MACROD2: variants seen among roughly 807,000 people sequenced by gnomAD.
MACROD2 encodes the protein ADP-ribose glycohydrolase MACROD2.
Under a neutral mutation model 70.4 loss-of-function variants are expected in MACROD2, and 36 were observed. That is an observed-to-expected ratio of 0.51 (90% confidence interval 0.39 to 0.68). The LOEUF (loss-of-function observed/expected upper bound fraction) is 0.68. Among genes scored for constraint, MACROD2 ranks in the 30% least tolerant of loss-of-function variants. The probability of loss-of-function intolerance (pLI) is 0.00; values close to 1 mark genes in which losing one functional copy is unlikely to be tolerated. For missense variants in MACROD2, 496 were observed against 538.4 expected, an observed-to-expected ratio of 0.92 and a Z score of 0.78; for synonymous variants, 172 against 178.8, an observed-to-expected ratio of 0.96 and a Z score of 0.30.
intron 10 of MACROD2, among the ~76,000 whole-genome samples, chr20:15,915,244 C>T (rs551177155): frequency 1.0e-3 from 155 of 152,240 alleles, no homozygotes; most frequent in Non-Finnish European, 1.6e-3. Flanking sequence ...GCTCTGTAGT[C>T]GCAAGGTTGG....
intron 2 of MACROD2, among the ~76,000 whole-genome samples, chr20:14,007,302 A>G (rs1168829033): frequency 6.6e-6 from 1 of 152,152 alleles, no homozygotes; most frequent in Non-Finnish European, 1.5e-5. Flanking sequence ...TTCATTCCCT[A>G]AAATCCTCCA....
intron 7 of MACROD2, among the ~76,000 whole-genome samples, chr20:15,482,911 G>T (rs551848246): frequency 6.6e-6 from 1 of 152,132 alleles, no homozygotes; most frequent in African/African-American, 2.4e-5. Context: ...TTTTAATTGG[G>T]TTGTTCATTT....
At chr20:15,897,436 T>C (rs1601083062) in intron 10 of MACROD2, among the ~76,000 whole-genome samples, 3 of 152,284 alleles carry the variant, frequency 2.0e-5, no homozygotes, top group Admixed American at 2.0e-4. Context: ...GATCTCGGAA[T>C]GGGCATCTTT....
intron 3 of MACROD2, among the ~76,000 whole-genome samples, chr20:14,168,404 G>C (rs936941982): frequency 6.6e-6 from 1 of 152,046 alleles, no homozygotes; most frequent in African/African-American, 2.4e-5. Flanking sequence ...GCAGTTTTAA[G>C]TTTGCTTAAA....
At chr20:14,204,775 A>G (rs1384827972) in intron 3 of MACROD2, among the ~76,000 whole-genome samples, 4 of 152,192 alleles carry the variant, frequency 2.6e-5, no homozygotes, top group East Asian at 3.9e-4. Flanking sequence ...TTTATTCAAA[A>G]TGGGGTTATC....
chr20:14,850,259 A>G (rs767275258), intron 5 of MACROD2: 4 of 183,686 alleles, frequency 2.2e-5, no homozygotes, highest in Non-Finnish European at 4.6e-5. Context: ...CTCTACAACA[A>G]TTCTAAAACC....
chr20:14,347,638 A>G (rs941021923), intron 3 of MACROD2, among the ~76,000 whole-genome samples: 5 of 152,098 alleles, frequency 3.3e-5, no homozygotes, highest in African/African-American at 1.2e-4. Flanking sequence ...TGCCACTTTT[A>G]AGTTTACAGG....
intron 3 of MACROD2, among the ~76,000 whole-genome samples, chr20:14,359,189 A>AAAACAAAC (rs112223216): frequency 4.6e-5 from 7 of 151,890 alleles, no homozygotes; most frequent in Admixed American, 1.3e-4. Context: ...CTCTGTCTCA[A>AAAACAAAC]AAACAAACAA....
intron 13 of MACROD2, among the ~76,000 whole-genome samples, chr20:15,985,298 T>C (rs1486363683): frequency 6.6e-6 from 1 of 152,126 alleles, no homozygotes; most frequent in Non-Finnish European, 1.5e-5. Context: ...ACACACACAC[T>C]TTTACCATTT....
At chr20:15,543,238 C>T (rs1395563472) in intron 8 of MACROD2, among the ~76,000 whole-genome samples, 1 of 152,108 alleles carries the variant, frequency 6.6e-6, no homozygotes, top group Non-Finnish European at 1.5e-5. Context: ...AGTTGTGTGT[C>T]CCTGAGCATG....
At chr20:15,981,221 G>A (rs1366649620) in intron 13 of MACROD2, among the ~76,000 whole-genome samples, 1 of 152,128 alleles carries the variant, frequency 6.6e-6, no homozygotes, top group Non-Finnish European at 1.5e-5. Context: ...TAGTCCTGGT[G>A]GAATTCTGGG....
chr20:15,398,381 A>G (rs966196614), intron 6 of MACROD2, among the ~76,000 whole-genome samples: 1 of 152,206 alleles, frequency 6.6e-6, no homozygotes, highest in African/African-American at 2.4e-5. Flanking sequence ...ATTTGAATCC[A>G]TGTCTTCTCA....
intron 7 of MACROD2, among the ~76,000 whole-genome samples, chr20:15,464,998 C>G (rs1021039713): frequency 3.9e-5 from 6 of 152,122 alleles, no homozygotes; most frequent in Non-Finnish European, 8.8e-5. Context: ...TACTCTCTTT[C>G]TACCCTCAGC....
intron 3 of MACROD2, among the ~76,000 whole-genome samples, chr20:14,284,236 C>G (rs994135806): frequency 1.3e-5 from 2 of 152,194 alleles, no homozygotes; most frequent in African/African-American, 4.8e-5. Flanking sequence ...TATTAGAAAA[C>G]TGCAGCTTGA....
At chr20:15,017,174 T>C (rs553066357) in intron 5 of MACROD2, among the ~76,000 whole-genome samples, 12 of 152,186 alleles carry the variant, frequency 7.9e-5, no homozygotes, top group Non-Finnish European at 1.3e-4. Context: ...GGTAGTTACT[T>C]CCTAGATTCA....
intron 5 of MACROD2, among the ~76,000 whole-genome samples, chr20:14,759,518 C>A (rs1367836167): frequency 6.6e-6 from 1 of 151,992 alleles, no homozygotes; most frequent in Admixed American, 6.5e-5. Context: ...ATTTAGAATG[C>A]AGAGTTCATT....
intron 5 of MACROD2, among the ~76,000 whole-genome samples, chr20:14,851,529 G>T (rs989033991): frequency 1.3e-5 from 2 of 152,060 alleles, no homozygotes; most frequent in African/African-American, 2.4e-5. Flanking sequence ...CTATTCTAGG[G>T]TTAATTTGAT....
At chr20:15,273,833 C>CAAATACAT (rs1387136472) in intron 6 of MACROD2, among the ~76,000 whole-genome samples, 2 of 152,142 alleles carry the variant, frequency 1.3e-5, no homozygotes, top group Admixed American at 6.6e-5. Context: ...ATAACTACAA[C>CAAATACAT]TGTGGACAAT....
intron 2 of MACROD2, among the ~76,000 whole-genome samples, chr20:14,061,742 C>T (rs2053693211): frequency 6.6e-6 from 1 of 152,112 alleles, no homozygotes; most frequent in South Asian, 2.1e-4. Context: ...CATATCCTTC[C>T]ATGTTTGTGA....
Sources: gnomAD v4.1 joint callset for allele counts (sites outside exome capture counted in the v4.1 genomes callset) on GRCh38, gnomAD v4.1.1 for gene constraint, MANE v1.5 for transcripts, NCBI Gene and HGNC (gene_info 2026-07-23, HGNC 2026-07-21) for gene names.